PTGR1: variants seen among roughly 807,000 people sequenced by gnomAD.
PTGR1 encodes 15-oxoprostaglandin 13-reductase.
Under a neutral mutation model 37.7 loss-of-function variants are expected in PTGR1, and 23 were observed. That is an observed-to-expected ratio of 0.61 (90% confidence interval 0.44 to 0.86). PTGR1 has a LOEUF of 0.86. PTGR1 is among the 40% of genes least tolerant of loss of function. The pLI is 0.00. For synonymous variants in PTGR1, 134 were observed against 140.0 expected (o/e 0.96, Z 0.30); for missense variants, 351 against 394.3 (o/e 0.89, Z 0.93).
At chr9:111,567,870 T>G (rs1488404894) in intron 9 of PTGR1, among the ~76,000 whole-genome samples, 1 of 152,178 alleles carries the variant, frequency 6.6e-6, no homozygotes, top group African/African-American at 2.4e-5. Flanking sequence ...ACATAAATTG[T>G]GAAGATTTCA....
Position 111,588,603 on chromosome 9 carries a change from G to GGTT in PTGR1, c.210-2439_210-2438insAAC, listed in dbSNP as rs567527258. On this transcript the variant is annotated intron_variant, in intron 4 of 9. Coordinates refer to ENST00000407693, the MANE Select transcript of PTGR1 (RefSeq NM_001146108.2). ...TCCAATGGCGAGATCTCAGCTCACT[G>GGTT]CAACCTCCGCCTCCCAGGTTCAAGC... Among the ~76,000 whole-genome samples, 353 of 151,404 alleles carry GGTT rather than the reference G, an allele frequency of 2.3e-3. 1 individual carries two copies. Among genetic ancestry groups the GGTT allele is most frequent in the African/African-American group, 8.4e-3 (347 of 41,234 alleles).
At chr9:111,597,256 T>C in intron 2 of PTGR1, 61 bp downstream of exon 2, 3 of 1,281,522 alleles carry the variant, frequency 2.3e-6, no homozygotes, top group Non-Finnish European at 3.4e-6. Flanking sequence ...TAGTTTGTTA[T>C]GCAGCAAAAG....
chr9:111,561,174 AG>A (rs779919631), downstream of PTGR1, among the ~76,000 whole-genome samples: 1,746 of 126,596 alleles, frequency 0.014, 67 homozygotes, highest in East Asian at 0.11. Context: ...AGAGAGAGAG[AG>A]AGAAAGAGAG....
downstream of PTGR1, among the ~76,000 whole-genome samples, chr9:111,559,786 C>G (rs1828222782): frequency 6.6e-6 from 1 of 152,186 alleles, no homozygotes; most frequent in African/African-American, 2.4e-5. Flanking sequence ...TTGGCTCCTT[C>G]TAATGTCTTT....
intron 6 of PTGR1, among the ~76,000 whole-genome samples, chr9:111,582,635 G>A (rs1011378169): frequency 3.3e-5 from 5 of 152,174 alleles, no homozygotes; most frequent in African/African-American, 4.8e-5. Context: ...GATAAATGCC[G>A]CAATGGCATT....
intron 7 of PTGR1, chr9:111,577,841 T>A (rs1274028266): frequency 6.6e-6 from 1 of 152,160 alleles, no homozygotes; most frequent in Non-Finnish European, 1.5e-5. Flanking sequence ...TGAGATCCTG[T>A]CTCAAAAAAC....
chr9:111,565,430 T>C (rs1214049969), intron 9 of PTGR1, among the ~76,000 whole-genome samples: 1 of 152,236 alleles, frequency 6.6e-6, no homozygotes, highest in Admixed American at 6.5e-5. Flanking sequence ...TAATGTAAAA[T>C]GTTAATAATA....
chr9:111,558,482 A>G (rs1256644044), downstream of PTGR1, among the ~76,000 whole-genome samples: 1 of 152,192 alleles, frequency 6.6e-6, no homozygotes, highest in Admixed American at 6.5e-5. Flanking sequence ...GTTTGAAGTC[A>G]GCCTGGACAA....
intron 4 of PTGR1, among the ~76,000 whole-genome samples, chr9:111,586,809 A>C (rs200997621): frequency 0.051 from 7,297 of 143,294 alleles, 246 homozygotes; most frequent in East Asian, 0.084. Context: ...CTCTCTATAT[A>C]TATATATATA....
intron 7 of PTGR1, chr9:111,576,822 G>A (rs1829078399): frequency 6.4e-6 from 1 of 155,738 alleles, no homozygotes; most frequent in South Asian, 2.0e-4. Flanking sequence ...CAGGTGTGGT[G>A]GCTCATGCCT....
At chr9:111,583,417 G>A in intron 6 of PTGR1, 55 bp downstream of exon 6, 1 of 1,411,138 alleles carries the variant, frequency 7.1e-7, no homozygotes, top group Non-Finnish European at 1.0e-6. Flanking sequence ...TGTGTTCACT[G>A]TTGCATTCCC....
At chr9:111,558,378 A>T (rs1476138390), downstream of PTGR1, among the ~76,000 whole-genome samples, 1 of 151,940 alleles carries the variant, frequency 6.6e-6, no homozygotes, top group Non-Finnish European at 1.5e-5. Flanking sequence ...TCTTTGATTT[A>T]TGGTATAAGA....
At position 111,575,990 on chromosome 9, in the gene PTGR1, CA is replaced by C. The variant is rs113507485; in HGVS notation, c.652-1149del. Among the ~76,000 whole-genome samples the C allele has an allele frequency of 4.9e-4, 72 of 147,460 alleles. No individual in the cohort carries two copies. The East Asian group carries it at 8.3e-3, about 17-fold the overall frequency. On this transcript the variant is annotated intron_variant, in intron 7 of 9. Transcript: ENST00000407693. ...GCAACATAGTGAGACTCCATCTCTACAAAAAAAAAATACATAAAAATTAGCT... is the reference window on the plus strand; with the variant it reads ...GCAACATAGTGAGACTCCATCTCTACAAAAAAAAATACATAAAAATTAGCT...
At chr9:111,556,361 A>G (rs1391482087) in intron 9 of PTGR1, among the ~76,000 whole-genome samples, 1 of 152,212 alleles carries the variant, frequency 6.6e-6, no homozygotes, top group Non-Finnish European at 1.5e-5. Flanking sequence ...CTGTTGGTGG[A>G]TCTACCATTC....
chr9:111,555,809 T>C (rs1365727008), intron 9 of PTGR1, among the ~76,000 whole-genome samples: 1 of 152,194 alleles, frequency 6.6e-6, no homozygotes, highest in Non-Finnish European at 1.5e-5. Flanking sequence ...TTGTGGATTA[T>C]AGTTCAACAG....
chr9:111,579,036 G>A, intron 6 of PTGR1, 85 bp from the exon 7 acceptor site: 1 of 1,337,496 alleles, frequency 7.5e-7, no homozygotes, highest in Non-Finnish European at 1.0e-6. Flanking sequence ...GTATGCCTAG[G>A]TTCCCTAGGA....
intron 9 of PTGR1, among the ~76,000 whole-genome samples, chr9:111,567,428 AC>A (rs1237445712): frequency 6.6e-6 from 1 of 152,114 alleles, no homozygotes; most frequent in East Asian, 1.9e-4. Flanking sequence ...CTTGTGATCC[AC>A]CTGCCTTGGC....
chr9:111,583,658 C>A, intron 5 of PTGR1, 69 bp from the exon 6 acceptor site: 1 of 1,290,652 alleles, frequency 7.7e-7, no homozygotes, highest in South Asian at 1.2e-5. Flanking sequence ...TTATATATAT[C>A]TTGAAAGCCT....
intron 4 of PTGR1, among the ~76,000 whole-genome samples, chr9:111,590,365 AT>A (rs879574089): frequency 5.0e-4 from 75 of 148,858 alleles, no homozygotes; most frequent in Middle Eastern, 3.5e-3. Context: ...ACATTCATAC[AT>A]TTTTTTTTTT....
Sources: gnomAD v4.1 joint callset for allele counts (sites outside exome capture counted in the v4.1 genomes callset) on GRCh38, gnomAD v4.1.1 for gene constraint, MANE v1.5 for transcripts, NCBI Gene and HGNC (gene_info 2026-07-23, HGNC 2026-07-21) for gene names.